The following GRM1 variants were observed in gnomAD, a reference collection of about 807,000 sequenced individuals.
GRM1 encodes glutamate metabotropic receptor 1, also known as metabotropic glutamate receptor 1.
In GRM1, 33 loss-of-function variants were observed where a neutral mutation model predicts 90.9. The ratio of observed to expected loss-of-function variants is 0.36; its 90% CI spans 0.28 to 0.49. The LOEUF is 0.49. Ranked by LOEUF, GRM1 falls within the 20% of genes least tolerant of loss-of-function variation. GRM1 has a pLI of 0.99. For synonymous variants in GRM1, 700 were observed against 613.2 expected (o/e 1.14, Z -2.09); for missense variants, 1,190 against 1,534.3 (o/e 0.78, Z 3.75).
chr6:146,052,591 C>CTTT (rs1775334446), intron 1 of GRM1, among the ~76,000 whole-genome samples: 9 of 152,138 alleles, frequency 5.9e-5, no homozygotes, highest in African/African-American at 1.7e-4. Context: ...CATGGGTCTC[C>CTTT]TTGCCATCCT....
intron 2 of GRM1, among the ~76,000 whole-genome samples, chr6:146,208,670 T>C (rs1010571855): frequency 1.2e-4 from 19 of 152,160 alleles, no homozygotes; most frequent in African/African-American, 4.6e-4. Flanking sequence ...TATATACGTA[T>C]TTATACATAT....
intron 5 of GRM1, among the ~76,000 whole-genome samples, chr6:146,359,881 AC>A: frequency 6.6e-6 from 1 of 152,316 alleles, no homozygotes; most frequent in South Asian, 2.1e-4. Flanking sequence ...AAAATTGTAT[AC>A]CCTGCAGAAG....
Position 146,131,401 on chromosome 6 carries a change from G to C in GRM1, c.701-27947G>C, listed in dbSNP as rs1776393011. 2.6e-5 allele frequency among the ~76,000 whole-genome samples: 4 copies of C among 151,932 alleles called. No homozygotes were observed. The South Asian group carries it at 8.3e-4, about 31-fold the overall frequency. ...GCCCTGGGTTTCAATGTGATCTTGGGCAGATTTATTTTTCTGCACCTCAGC... is the reference window on the plus strand; with the variant it reads ...GCCCTGGGTTTCAATGTGATCTTGGCCAGATTTATTTTTCTGCACCTCAGC... On this transcript the variant is annotated intron_variant, in intron 1 of 7. Coordinates refer to ENST00000282753, the MANE Select transcript of GRM1 (RefSeq NM_001278064.2).
intron 2 of GRM1, among the ~76,000 whole-genome samples, chr6:146,260,293 T>C (rs373110624): frequency 8.5e-5 from 13 of 152,088 alleles, no homozygotes; most frequent in Non-Finnish European, 1.5e-4. Context: ...AGAATGATGG[T>C]TTCCAGCTTC....
At chr6:146,051,597 A>G (rs996077135) in intron 1 of GRM1, among the ~76,000 whole-genome samples, 2 of 152,096 alleles carry the variant, frequency 1.3e-5, no homozygotes, top group African/African-American at 2.4e-5. Context: ...TATAGCACTT[A>G]AAGCTATGAT....
rs117517124 is a variant in GRM1, at chr6:146,071,984, A to G, written c.700+41767A>G. On this transcript the variant is annotated intron_variant, in intron 1 of 7. Transcript: ENST00000282753. ...GAATAAATCCCTCAGTGCTAAAGACAGGATCTTGGCAGCACAATGCAGCAT... is the reference window on the plus strand; with the variant it reads ...GAATAAATCCCTCAGTGCTAAAGACGGGATCTTGGCAGCACAATGCAGCAT... 4.0e-3 allele frequency among the ~76,000 whole-genome samples: 611 copies of G among 152,280 alleles called. 19 individuals are homozygous for G. The East Asian group carries it at 0.071, about 18-fold the overall frequency.
chr6:146,299,609 A>G (rs1035886821), intron 2 of GRM1, among the ~76,000 whole-genome samples: 1 of 152,182 alleles, frequency 6.6e-6, no homozygotes, highest in African/African-American at 2.4e-5. Flanking sequence ...CCAACAATAC[A>G]TGGCCTCCAG....
intron 1 of GRM1, among the ~76,000 whole-genome samples, chr6:146,036,394 A>G (rs1447233821): frequency 3.3e-5 from 5 of 151,962 alleles, no homozygotes; most frequent in African/African-American, 7.2e-5. Context: ...CAGAGTCAAG[A>G]CAAGGCATAA....
intron 1 of GRM1, among the ~76,000 whole-genome samples, chr6:146,047,197 C>T (rs1791363722): frequency 1.3e-5 from 2 of 151,906 alleles, no homozygotes; most frequent in Non-Finnish European, 2.9e-5. Context: ...CTATGTTAGT[C>T]AAAATAGAGT....
intron 2 of GRM1, among the ~76,000 whole-genome samples, chr6:146,257,837 T>G (rs942960689): frequency 1.3e-4 from 20 of 152,058 alleles, no homozygotes; most frequent in African/African-American, 4.1e-4. Context: ...CTGATTCAAA[T>G]GCAAATTTTA....
intron 2 of GRM1, among the ~76,000 whole-genome samples, chr6:146,180,355 T>C (rs1778502896): frequency 6.6e-6 from 1 of 152,164 alleles, no homozygotes; most frequent in Admixed American, 6.5e-5. Flanking sequence ...ACTGACAATA[T>C]GAAGTAAAAC....
At chr6:146,117,485 C>G (rs778365206) in intron 1 of GRM1, among the ~76,000 whole-genome samples, 2 of 151,798 alleles carry the variant, frequency 1.3e-5, no homozygotes, top group Non-Finnish European at 2.9e-5. Flanking sequence ...GTTTGTTAAG[C>G]CAATGAATAA....
intron 2 of GRM1, among the ~76,000 whole-genome samples, chr6:146,222,657 T>C (rs1173577152): frequency 6.6e-6 from 1 of 152,076 alleles, no homozygotes; most frequent in African/African-American, 2.4e-5. Flanking sequence ...GAAAGAGCAA[T>C]CTGTTTTTCT....
intron 2 of GRM1, among the ~76,000 whole-genome samples, chr6:146,287,332 C>A (rs1334511130): frequency 6.6e-6 from 1 of 152,104 alleles, no homozygotes. Context: ...TTCTCTGGGA[C>A]CTTTTACTTT....
intron 2 of GRM1, among the ~76,000 whole-genome samples, chr6:146,226,650 T>A (rs1238255601): frequency 6.6e-6 from 1 of 152,148 alleles, no homozygotes; most frequent in Non-Finnish European, 1.5e-5. Flanking sequence ...TAAAACCGCT[T>A]CTGTATTTGT....
intron 1 of GRM1, among the ~76,000 whole-genome samples, chr6:146,149,788 A>G (rs184103690): frequency 6.0e-4 from 91 of 152,232 alleles, no homozygotes; most frequent in African/African-American, 2.0e-3. Context: ...TTTGTAGTAA[A>G]TCCCCTTCTT....
At chr6:146,038,339 G>A (rs974740303) in intron 1 of GRM1, among the ~76,000 whole-genome samples, 1 of 151,892 alleles carries the variant, frequency 6.6e-6, no homozygotes, top group African/African-American at 2.4e-5. Flanking sequence ...ATCTGGAATA[G>A]GATTGACTCA....
At chr6:146,239,467 G>T (rs946833712) in intron 2 of GRM1, among the ~76,000 whole-genome samples, 4 of 152,032 alleles carry the variant, frequency 2.6e-5, no homozygotes, top group African/African-American at 9.7e-5. Flanking sequence ...GTTCCTTGCG[G>T]GCAAGTATTG....
At position 146,435,671 on chromosome 6, in the gene GRM1, G is replaced by A. The variant is rs549020820; in HGVS notation, c.*875G>A. On this transcript the variant is annotated 3_prime_UTR_variant, in exon 8 of 8. Coordinates refer to ENST00000282753, the MANE Select transcript of GRM1 (RefSeq NM_001278064.2). ...TCATGTTCCATATTCACTTATTGGC[G>A]ATTTGGGGAAAAGGCCGGAACAAGA... is the stretch of plus-strand genomic sequence containing the variant. 6.5e-6 allele frequency: 1 copy of A among 152,694 alleles called. No individual in the cohort carries two copies. The highest frequency in any genetic ancestry group is 1.9e-4 in the East Asian group (1 of 5,180). 9.5% of individuals were successfully genotyped at this position (152,694 alleles called of 1,614,324 possible).
Sources: allele counts gnomAD v4.1 joint callset (sites outside exome capture counted in the v4.1 genomes callset), GRCh38; gene constraint gnomAD v4.1.1; transcripts MANE v1.5; gene names NCBI Gene and HGNC (gene_info 2026-07-23, HGNC 2026-07-21).